ATF6: variants seen among roughly 807,000 people sequenced by gnomAD.
ATF6 encodes cyclic AMP-dependent transcription factor ATF-6 alpha.
In ATF6, 53 loss-of-function variants were observed where a neutral mutation model predicts 83.6. The ratio of observed to expected loss-of-function variants is 0.63; its 90% CI spans 0.51 to 0.80. The LOEUF (loss-of-function observed/expected upper bound fraction) is 0.80. Among genes scored for constraint, ATF6 ranks in the 30% least tolerant of loss-of-function variants. ATF6 has a pLI of 0.00. For missense variants in ATF6, 744 were observed against 797.9 expected (o/e 0.93, Z 0.81); for synonymous variants, 288 against 285.8 (o/e 1.01, Z -0.08).
chr1:161,937,347 TAAAAA>T (rs35432799), intron 15 of ATF6, among the ~76,000 whole-genome samples: 3 of 111,032 alleles, frequency 2.7e-5, no homozygotes, highest in African/African-American at 3.4e-5. Context: ...CCCTCTCAGT[TAAAAA>T]AAAAAAAAAA....
Position 161,894,521 on chromosome 1 carries a change from C to CTTTTTTTTTTTTTT in ATF6, c.1720-17755_1720-17742dup, listed in dbSNP as rs71093131. On this transcript the variant is annotated intron_variant, in intron 14 of 15. Coordinates refer to ENST00000367942, the MANE Select transcript of ATF6 (RefSeq NM_007348.4). Reference sequence around the variant, plus strand: ...TTAGAGGCAACATTTGTTTTGTAGTCTTTTTTTTTTTTTTTTTTTTTTTTT... The same window carrying CTTTTTTTTTTTTTT: ...TTAGAGGCAACATTTGTTTTGTAGTCTTTTTTTTTTTTTTTTTTTTTTTTTTTTTTTTTTTTTTT... 2.9e-4 allele frequency among the ~76,000 whole-genome samples: 13 copies of CTTTTTTTTTTTTTT among 44,864 alleles called. 2 individuals are homozygous for CTTTTTTTTTTTTTT. The highest frequency in any genetic ancestry group is 3.3e-4 in the African/African-American group (5 of 15,128). 29.4% of individuals were successfully genotyped at this position (44,864 alleles called of 152,430 possible).
chr1:161,811,657 T>TCTAC (rs889047463), intron 7 of ATF6, among the ~76,000 whole-genome samples: 2 of 152,070 alleles, frequency 1.3e-5, no homozygotes, highest in Non-Finnish European at 2.9e-5. Flanking sequence ...TTATTCTTTA[T>TCTAC]CTACCTACCT....
At chr1:161,852,232 AT>A (rs915305827) in intron 11 of ATF6, among the ~76,000 whole-genome samples, 4 of 151,576 alleles carry the variant, frequency 2.6e-5, no homozygotes, top group South Asian at 2.1e-4. Context: ...TTTCCCTTGA[AT>A]TTTTTTTTCC....
At chr1:161,778,778 C>T (rs1684575826) in intron 2 of ATF6, among the ~76,000 whole-genome samples, 1 of 151,854 alleles carries the variant, frequency 6.6e-6, no homozygotes, top group Non-Finnish European at 1.5e-5. Flanking sequence ...GTATCCTTAC[C>T]TTTGATTGGT....
chr1:161,808,007 G>A (rs1685345980), intron 7 of ATF6, among the ~76,000 whole-genome samples: 1 of 149,502 alleles, frequency 6.7e-6, no homozygotes, highest in Admixed American at 6.7e-5. Flanking sequence ...AGCCTCCTGA[G>A]TAGCTGGGAC....
rs539399462 is a variant in ATF6 at position 161,904,409 on chromosome 1, G to A, written c.1720-7887G>A. ...TCGAGACCAGCCTGGCCAACATAGC[G>A]AAGCACTGTCTCTACTAAAAATACA... is the stretch of plus-strand genomic sequence containing the variant. On this transcript the variant is annotated intron_variant, in intron 14 of 15. Transcript: ENST00000367942. Among the ~76,000 whole-genome samples, 26 of 152,144 alleles carry A rather than the reference G, an allele frequency of 1.7e-4. 1 individual carries two copies. The highest frequency in any genetic ancestry group is 5.5e-4 in the African/African-American group (23 of 41,506).
At chr1:161,878,286 G>T (rs1034735696) in intron 14 of ATF6, among the ~76,000 whole-genome samples, 1 of 151,916 alleles carries the variant, frequency 6.6e-6, no homozygotes, top group African/African-American at 2.4e-5. Context: ...ACTAATTTTT[G>T]TATGTTTTAG....
intron 7 of ATF6, among the ~76,000 whole-genome samples, chr1:161,807,119 G>A (rs984752892): frequency 9.9e-5 from 15 of 152,274 alleles, no homozygotes; most frequent in Admixed American, 8.5e-4. Flanking sequence ...CCTGGGAAAA[G>A]AGTGGTCCGG....
At chr1:161,839,771 C>T (rs1171890485) in intron 9 of ATF6, among the ~76,000 whole-genome samples, 2 of 152,138 alleles carry the variant, frequency 1.3e-5, no homozygotes, top group Non-Finnish European at 2.9e-5. Context: ...TGAGGAAGAA[C>T]AGCATTCTTG....
intron 1 of ATF6, among the ~76,000 whole-genome samples, chr1:161,773,587 C>T (rs1315223012): frequency 2.0e-5 from 3 of 152,074 alleles, no homozygotes; most frequent in Non-Finnish European, 4.4e-5. Context: ...TTTTTAAGGG[C>T]ACTACTGATT....
chr1:161,948,708 G>T (rs989951399), intron 15 of ATF6, among the ~76,000 whole-genome samples: 3 of 152,140 alleles, frequency 2.0e-5, no homozygotes, highest in African/African-American at 7.2e-5. Flanking sequence ...AATGAAACTT[G>T]CCTGCAAGGA....
intron 7 of ATF6, among the ~76,000 whole-genome samples, chr1:161,814,246 C>T (rs1685553118): frequency 6.6e-6 from 1 of 152,166 alleles, no homozygotes; most frequent in Admixed American, 6.5e-5. Context: ...AACAGGAAAC[C>T]ATTTTGAGGC....
intron 7 of ATF6, among the ~76,000 whole-genome samples, chr1:161,811,272 T>A (rs1685448850): frequency 1.3e-5 from 2 of 152,242 alleles, no homozygotes; most frequent in Non-Finnish European, 2.9e-5. Context: ...GATTACTATT[T>A]TATAACTATG....
intron 9 of ATF6, among the ~76,000 whole-genome samples, chr1:161,830,240 G>A (rs1686018754): frequency 6.6e-6 from 1 of 152,148 alleles, no homozygotes; most frequent in Non-Finnish European, 1.5e-5. Flanking sequence ...CCAACTTAAA[G>A]GGATGTGAAG....
At chr1:161,877,333 T>A (rs1485899500) in intron 14 of ATF6, among the ~76,000 whole-genome samples, 2 of 152,092 alleles carry the variant, frequency 1.3e-5, no homozygotes, top group African/African-American at 4.8e-5. Context: ...GTAAGCATGA[T>A]GAAAACACAC....
At chr1:161,955,967 G>A (rs1688958676) in intron 15 of ATF6, among the ~76,000 whole-genome samples, 1 of 152,056 alleles carries the variant, frequency 6.6e-6, no homozygotes, top group Admixed American at 6.6e-5. Flanking sequence ...TTCCAACCAT[G>A]GCTAGGAACT....
chr1:161,919,606 T>C (rs2101894268), intron 15 of ATF6, among the ~76,000 whole-genome samples: 1 of 152,360 alleles, frequency 6.6e-6, no homozygotes, highest in South Asian at 2.1e-4. Context: ...TCAGCAGATA[T>C]GTTTCATAAT....
Position 161,961,449 on chromosome 1 carries a change from A to AG in ATF6, c.*2796dup, listed in dbSNP as rs1246982616. The AG allele has an allele frequency of 1.3e-5, 2 of 152,266 alleles. No individual in the cohort carries two copies. The highest frequency in any genetic ancestry group is 2.9e-5 in the Non-Finnish European group (2 of 68,048). 9.4% of individuals were successfully genotyped at this position (152,266 alleles called of 1,614,324 possible). A position where few individuals can be genotyped will look rare whatever the true frequency, so the allele number is the denominator to read the frequency against. ...GAAAGGCAATTGACAAATGCAAAGAAGTAGTCACTTTTTAAATTGCTGGCA... is the reference window on the plus strand; with the variant it reads ...GAAAGGCAATTGACAAATGCAAAGAAGGTAGTCACTTTTTAAATTGCTGGCA... On this transcript the variant is annotated 3_prime_UTR_variant, in exon 16 of 16. Transcript: ENST00000367942.
chr1:161,864,320 T>C (rs1389649240), intron 14 of ATF6, among the ~76,000 whole-genome samples: 1 of 152,184 alleles, frequency 6.6e-6, no homozygotes, highest in Non-Finnish European at 1.5e-5. Context: ...CAGGGCCAAC[T>C]TTTCACACAT....
Sources: gnomAD v4.1 joint callset for allele counts (sites outside exome capture counted in the v4.1 genomes callset) on GRCh38, gnomAD v4.1.1 for gene constraint, MANE v1.5 for transcripts, NCBI Gene and HGNC (gene_info 2026-07-23, HGNC 2026-07-21) for gene names.